ARHGAP42: variants seen among roughly 807,000 people sequenced by gnomAD.
The protein encoded by ARHGAP42 is rho GTPase-activating protein 42.
In ARHGAP42, 63 loss-of-function variants were observed where a neutral mutation model predicts 125.0. The observed-to-expected ratio is 0.50, with a 90% CI of 0.41 to 0.62. The LOEUF is 0.62. ARHGAP42 is among the 20% of genes least tolerant of loss of function. The pLI, the probability that ARHGAP42 is intolerant of heterozygous loss-of-function variation, is 0.00. For missense variants in ARHGAP42, 766 were observed against 1,024.2 expected, an observed-to-expected ratio of 0.75 and a Z score of 3.44; for synonymous variants, 339 against 351.0, an observed-to-expected ratio of 0.97 and a Z score of 0.38.
chr11:100,793,870 G>C lies in ARHGAP42; in HGVS notation c.251-1235G>C, dbSNP rs1241348052. Among the ~76,000 whole-genome samples the C allele has an allele frequency of 2.0e-5, 3 of 151,994 alleles. No individual in the cohort carries two copies. The East Asian group carries it at 5.8e-4, about 29-fold the overall frequency. ...GAGGATCACTTGAGTCCAAGAGTTT[G>C]AGACCATCTGGGCAACATAGTGAGA... is the stretch of plus-strand genomic sequence containing the variant. On this transcript the variant is annotated intron_variant, in intron 2 of 23. Coordinates refer to ENST00000298815, the MANE Select transcript of ARHGAP42 (RefSeq NM_152432.4).
intron 3 of ARHGAP42, among the ~76,000 whole-genome samples, chr11:100,802,754 G>A (rs1216430017): frequency 1.3e-5 from 2 of 152,022 alleles, no homozygotes. Context: ...ACTCCCTCTT[G>A]CCTGTTCTCC....
chr11:100,737,683 A>T (rs1372342284), intron 1 of ARHGAP42, among the ~76,000 whole-genome samples: 1 of 152,208 alleles, frequency 6.6e-6, no homozygotes, highest in African/African-American at 2.4e-5. Flanking sequence ...CAGGCCCAGC[A>T]ATTGCCCTTG....
chr11:100,703,147 C>T (rs147197150), intron 1 of ARHGAP42, among the ~76,000 whole-genome samples: 71 of 152,264 alleles, frequency 4.7e-4, no homozygotes, highest in African/African-American at 1.6e-3. Context: ...GCAGGTTTTA[C>T]GTGCAACTGC....
In ARHGAP42 at chr11:100,728,994, C is replaced by A. The variant is rs1358264172; in HGVS notation, c.154+41162C>A. Among the ~76,000 whole-genome samples the A allele has an allele frequency of 2.6e-5, 4 of 151,752 alleles. 1 individual carries two copies. Among genetic ancestry groups the A allele is most frequent in the Admixed American group, 2.0e-4 (3 of 15,244 alleles). The stretch of plus-strand genomic sequence containing the variant: ...ATGTTGGCCAGGCTGGTCCTGAAAT[C>A]CTGGCCTCAGGTTATCTGCCCACCT... On this transcript the variant is annotated intron_variant, in intron 1 of 23. Transcript: ENST00000298815.
At chr11:100,795,201 T>G (rs1863680968) in intron 3 of ARHGAP42, 35 bp downstream of exon 3, 1 of 1,448,172 alleles carries the variant, frequency 6.9e-7, no homozygotes, top group African/African-American at 1.4e-5. Flanking sequence ...GAATATTGCT[T>G]TGTTTCAACA....
At chr11:100,867,720 C>T (rs1003809799) in intron 4 of ARHGAP42, among the ~76,000 whole-genome samples, 1 of 152,198 alleles carries the variant, frequency 6.6e-6, no homozygotes, top group Non-Finnish European at 1.5e-5. Flanking sequence ...TTTGTATTCA[C>T]AGCTTGGTTG....
intron 4 of ARHGAP42, among the ~76,000 whole-genome samples, chr11:100,885,776 A>G (rs2135183809): frequency 6.6e-6 from 1 of 152,350 alleles, no homozygotes; most frequent in South Asian, 2.1e-4. Context: ...ATATATATGA[A>G]TGCAACTGCA....
chr11:100,859,647 T>C, intron 4 of ARHGAP42, 22 bp downstream of exon 4: 2 of 1,415,276 alleles, frequency 1.4e-6, no homozygotes, highest in Non-Finnish European at 1.9e-6. Context: ...ATTTTATTAT[T>C]CTTCAGTTAT....
chr11:100,940,694 A>G (rs758331336), intron 8 of ARHGAP42, among the ~76,000 whole-genome samples: 1 of 152,182 alleles, frequency 6.6e-6, no homozygotes, highest in Non-Finnish European at 1.5e-5. Flanking sequence ...TTTTTTCCAG[A>G]TTAGGAGTAA....
At chr11:100,836,256 T>C (rs549064119) in intron 3 of ARHGAP42, among the ~76,000 whole-genome samples, 2 of 152,244 alleles carry the variant, frequency 1.3e-5, no homozygotes, top group South Asian at 4.1e-4. Context: ...CAGTTCTTAG[T>C]CTTCTATGTG....
chr11:100,798,457 C>T (rs1408436832), intron 3 of ARHGAP42, among the ~76,000 whole-genome samples: 4 of 152,172 alleles, frequency 2.6e-5, no homozygotes, highest in Non-Finnish European at 5.9e-5. Context: ...ACAGGAGCCT[C>T]CACCATCAAA....
At chr11:100,797,695 T>C (rs1390199303) in intron 3 of ARHGAP42, among the ~76,000 whole-genome samples, 2 of 152,166 alleles carry the variant, frequency 1.3e-5, no homozygotes, top group Non-Finnish European at 2.9e-5. Context: ...GCAAGGAAAT[T>C]AGTGTTTTCA....
intron 4 of ARHGAP42, among the ~76,000 whole-genome samples, chr11:100,908,454 A>C (rs2135223938): frequency 6.6e-6 from 1 of 152,234 alleles, no homozygotes; most frequent in East Asian, 1.9e-4. Context: ...ATTCATGTGT[A>C]CCCATTTTTT....
chr11:100,811,501 TTC>T lies in ARHGAP42; in HGVS notation c.312+16337_312+16338del, dbSNP rs767912177. On this transcript the variant is annotated intron_variant, in intron 3 of 23. Transcript: ENST00000298815. ...TGCTTCTGCCTCGAATGTCTTGACT[TTC>T]TTTTTTTTTTTTTTCTTTGGAGATG... 1.6e-3 allele frequency among the ~76,000 whole-genome samples: 165 copies of T among 101,622 alleles called. 4 individuals carry two copies. Among genetic ancestry groups the T allele is most frequent in the Middle Eastern group, 0.011 (2 of 174 alleles). The allele number at this position is 101,622 out of a possible 152,430, so 66.7% of individuals were successfully genotyped here.
intron 3 of ARHGAP42, among the ~76,000 whole-genome samples, chr11:100,801,953 A>G (rs974853908): frequency 2.0e-4 from 30 of 152,238 alleles, no homozygotes; most frequent in African/African-American, 7.0e-4. Context: ...ATGCTTTTTA[A>G]AAAGTGCGTC....
At chr11:100,897,640 T>C (rs1004853904) in intron 4 of ARHGAP42, among the ~76,000 whole-genome samples, 1 of 152,090 alleles carries the variant, frequency 6.6e-6, no homozygotes, top group African/African-American at 2.4e-5. Context: ...GGCTCTCTGT[T>C]TGTCTGTAAT....
At chr11:100,891,857 A>T (rs1454805049) in intron 4 of ARHGAP42, among the ~76,000 whole-genome samples, 1 of 152,210 alleles carries the variant, frequency 6.6e-6, no homozygotes, top group African/African-American at 2.4e-5. Flanking sequence ...CATAAAGGGC[A>T]CTTGATCTAA....
rs933920260 is a variant in ARHGAP42 at position 100,990,099 on chromosome 11, ATATTTC to A, written c.*1305_*1310del. 2 of 152,136 alleles carry A rather than the reference ATATTTC, an allele frequency of 1.3e-5. No homozygotes were observed. The highest frequency in any genetic ancestry group is 4.8e-5 in the African/African-American group (2 of 41,438). The allele number at this position is 152,136 out of a possible 1,614,324, so 9.4% of individuals were successfully genotyped here. A position where few individuals can be genotyped will look rare whatever the true frequency, so the allele number is the denominator to read the frequency against. On this transcript the variant is annotated 3_prime_UTR_variant, in exon 24 of 24. Transcript: ENST00000298815. ...TGGTCATGCACGAACCATTAATTCT[ATATTTC>A]TATTTCAATAATTCTAATATATTAT...
chr11:100,833,251 GT>G (rs1302435793), intron 3 of ARHGAP42, among the ~76,000 whole-genome samples: 1 of 152,192 alleles, frequency 6.6e-6, no homozygotes, highest in Admixed American at 6.5e-5. Context: ...GCTTTAAGGA[GT>G]TTTGATACTT....
Sources: gnomAD v4.1 joint callset for allele counts (sites outside exome capture counted in the v4.1 genomes callset) on GRCh38, gnomAD v4.1.1 for gene constraint, MANE v1.5 for transcripts, NCBI Gene and HGNC (gene_info 2026-07-23, HGNC 2026-07-21) for gene names.